Variants in TMEM154 observed in about 807,000 individuals in gnomAD.
The protein encoded by TMEM154 is transmembrane protein 154.
In TMEM154, 27 loss-of-function variants were observed where a neutral mutation model predicts 24.5. That is an observed-to-expected ratio of 1.10 (90% confidence interval 0.81 to 1.52). TMEM154 has a LOEUF of 1.52. Among genes scored for constraint, TMEM154 ranks in the 40% most tolerant of loss-of-function variants. The pLI, the probability that TMEM154 is intolerant of heterozygous loss-of-function variation, is 0.00. For missense variants in TMEM154, 228 were observed against 213.4 expected, an observed-to-expected ratio of 1.07 and a Z score of -0.43; for synonymous variants, 67 against 76.8, an observed-to-expected ratio of 0.87 and a Z score of 0.67.
chr4:152,648,135 A>G (rs1020593760), intron 3 of TMEM154, among the ~76,000 whole-genome samples: 3 of 152,182 alleles, frequency 2.0e-5, no homozygotes, highest in African/African-American at 7.2e-5. Flanking sequence ...GAGAGCACAG[A>G]AGAGATGGTA....
At chr4:152,655,975 A>T (rs1231236429) in intron 1 of TMEM154, among the ~76,000 whole-genome samples, 4 of 152,036 alleles carry the variant, frequency 2.6e-5, no homozygotes, top group Non-Finnish European at 5.9e-5. Flanking sequence ...TGAGTGTGCC[A>T]TTTGGGGCCT....
rs1472348006 is a variant in TMEM154 at position 152,619,147 on chromosome 4, G to C, written c.*9399C>G. 2 of 152,166 alleles carry C rather than the reference G, an allele frequency of 1.3e-5. No homozygotes were observed. The highest frequency in any genetic ancestry group is 2.9e-5 in the Non-Finnish European group (2 of 68,040). 9.4% of individuals were successfully genotyped at this position (152,166 alleles called of 1,614,324 possible). On this transcript the variant is annotated 3_prime_UTR_variant, in exon 7 of 7. Transcript: ENST00000304385. ...CTCCCATTTTAACCTCATGCTTTGAGAGTAGTCATACATTTCTATGTGTCT... is the reference window on the plus strand; with the variant it reads ...CTCCCATTTTAACCTCATGCTTTGACAGTAGTCATACATTTCTATGTGTCT...
chr4:152,618,774 T>A lies in TMEM154; in HGVS notation c.*9772A>T, dbSNP rs1463104195. The A allele has an allele frequency of 6.6e-6, 1 of 152,176 alleles. No homozygotes were observed. The highest frequency in any genetic ancestry group is 1.5e-5 in the Non-Finnish European group (1 of 68,038). The allele number at this position is 152,176 out of a possible 1,614,324, so 9.4% of individuals were successfully genotyped here. ...TGATCGTTCTCTGCTTCCTTCCATA[T>A]TGGATTTAATGTAGCTAAAAATACA... is the stretch of plus-strand genomic sequence containing the variant. On this transcript the variant is annotated 3_prime_UTR_variant, in exon 7 of 7. Coordinates refer to ENST00000304385, the MANE Select transcript of TMEM154 (RefSeq NM_152680.3).
chr4:152,640,963 G>C lies in TMEM154; in HGVS notation c.501C>G (p.Thr167=). 1 of 1,608,704 alleles carries C rather than the reference G, an allele frequency of 6.2e-7. No homozygotes were observed. Residue 167 remains threonine, a synonymous_variant, in exon 6 of 7, where the codon ACC becomes ACG. Transcript: ENST00000304385. ...NRNADFECLP[T]LKEEKESNHN... Reference sequence around the variant, plus strand: ...GATTTGATTCCTTCTCTTCCTTCAAGGTAGGTAAACATTCAAAGTCGGCTA... The same window carrying C: ...GATTTGATTCCTTCTCTTCCTTCAACGTAGGTAAACATTCAAAGTCGGCTA...
intron 4 of TMEM154, 50 bp from the exon 5 acceptor site, chr4:152,643,223 T>G (rs758952939): frequency 7.5e-7 from 1 of 1,332,748 alleles, no homozygotes. Flanking sequence ...GAAAGATGCC[T>G]AATTTCATTT....
intron 6 of TMEM154, among the ~76,000 whole-genome samples, chr4:152,630,810 T>C (rs1752024982): frequency 6.6e-6 from 1 of 152,216 alleles, no homozygotes; most frequent in African/African-American, 2.4e-5. Context: ...CCCAAAGATT[T>C]TTCTGTGATA....
chr4:152,647,779 A>AT (rs1728289767), intron 3 of TMEM154, among the ~76,000 whole-genome samples: 1 of 152,164 alleles, frequency 6.6e-6, no homozygotes, highest in Non-Finnish European at 1.5e-5. Flanking sequence ...CCAGGTACTG[A>AT]TTTTTTCTAA....
intron 6 of TMEM154, among the ~76,000 whole-genome samples, chr4:152,638,742 C>T (rs767802302): frequency 6.6e-6 from 1 of 152,086 alleles, no homozygotes; most frequent in Non-Finnish European, 1.5e-5. Flanking sequence ...TCAGAAAGTG[C>T]CTAGTGGTAC....
At chr4:152,629,266 A>G (rs1751987392) in intron 6 of TMEM154, among the ~76,000 whole-genome samples, 1 of 152,210 alleles carries the variant, frequency 6.6e-6, no homozygotes, top group African/African-American at 2.4e-5. Context: ...AATTTTCCAC[A>G]TGCCGTTTTC....
At chr4:152,635,517 G>A (rs1561044993) in intron 6 of TMEM154, among the ~76,000 whole-genome samples, 1 of 152,136 alleles carries the variant, frequency 6.6e-6, no homozygotes, top group Admixed American at 6.5e-5. Flanking sequence ...CACATATTAA[G>A]TGCTCAATAA....
chr4:152,624,577 G>A lies in TMEM154; in HGVS notation c.*3969C>T, dbSNP rs1488798523. On this transcript the variant is annotated 3_prime_UTR_variant, in exon 7 of 7. Transcript: ENST00000304385. ...AATCACACCATTGCACTCCAGCCTG[G>A]GCATCAGCATGAGACCCCGTCTCAA... The A allele has an allele frequency of 6.6e-6, 1 of 151,636 alleles. No individual in the cohort carries two copies. Among genetic ancestry groups the A allele is most frequent in the African/African-American group, 2.4e-5 (1 of 41,222 alleles). The allele number at this position is 151,636 out of a possible 1,614,324, so 9.4% of individuals were successfully genotyped here. A position where few individuals can be genotyped will look rare whatever the true frequency, so the allele number is the denominator to read the frequency against.
At chr4:152,661,284 TTCTCTCTCTC>T (rs70949609) in intron 1 of TMEM154, among the ~76,000 whole-genome samples, 1,737 of 63,428 alleles carry the variant, frequency 0.027, 22 homozygotes, top group Middle Eastern at 0.053. Context: ...ATTGTTCTCT[TTCTCTCTCTC>T]TCTCTCTCTC....
chr4:152,636,046 G>A (rs1420761670), intron 6 of TMEM154, among the ~76,000 whole-genome samples: 2 of 152,168 alleles, frequency 1.3e-5, no homozygotes, highest in African/African-American at 4.8e-5. Flanking sequence ...AACTACAAAT[G>A]CCTCCAGAAG....
At chr4:152,644,745 A>G (rs1474843708) in intron 3 of TMEM154, among the ~76,000 whole-genome samples, 1 of 152,212 alleles carries the variant, frequency 6.6e-6, no homozygotes, top group East Asian at 1.9e-4. Flanking sequence ...ATTGGTAAGG[A>G]AAGGCAAGGG....
At chr4:152,661,337 TC>T (rs1728606370) in intron 1 of TMEM154, among the ~76,000 whole-genome samples, 7 of 118,804 alleles carry the variant, frequency 5.9e-5, no homozygotes, top group African/African-American at 1.3e-4. Context: ...TCTCTCTCTC[TC>T]TCTCCCCCCA....
intron 1 of TMEM154, among the ~76,000 whole-genome samples, chr4:152,677,253 C>T (rs1372656616): frequency 6.6e-6 from 1 of 152,204 alleles, no homozygotes; most frequent in African/African-American, 2.4e-5. Flanking sequence ...CTATCTATCT[C>T]TAAAAAGAGA....
At chr4:152,635,967 G>A (rs957717777) in intron 6 of TMEM154, among the ~76,000 whole-genome samples, 14 of 152,150 alleles carry the variant, frequency 9.2e-5, no homozygotes, top group Admixed American at 6.5e-5. Context: ...TAATATTTGC[G>A]ATTCCTTGTC....
At chr4:152,655,393 A>C (rs533233870) in intron 1 of TMEM154, among the ~76,000 whole-genome samples, 1 of 152,184 alleles carries the variant, frequency 6.6e-6, no homozygotes, top group Non-Finnish European at 1.5e-5. Context: ...GCGCCTGTAC[A>C]CTGTGCAATG....
rs1728599572 is a variant in TMEM154, at chr4:152,661,293, TCTC to T, written c.65-8369_65-8367del. Among the ~76,000 whole-genome samples the T allele has an allele frequency of 1.5e-4, 9 of 61,792 alleles. No homozygotes were observed. The East Asian group carries it at 2.4e-3, about 16-fold the overall frequency. 40.5% of individuals were successfully genotyped at this position (61,792 alleles called of 152,430 possible). The stretch of plus-strand genomic sequence containing the variant: ...CAAGGGATTGTTCTCTTTCTCTCTC[TCTC>T]TCTCTCTCTCTCTCTCTCTCTCTCT... On this transcript the variant is annotated intron_variant, in intron 1 of 6. Coordinates refer to ENST00000304385, the MANE Select transcript of TMEM154 (RefSeq NM_152680.3).
Sources: allele counts gnomAD v4.1 joint callset (sites outside exome capture counted in the v4.1 genomes callset), GRCh38; gene constraint gnomAD v4.1.1; transcripts MANE v1.5; gene names NCBI Gene and HGNC (gene_info 2026-07-23, HGNC 2026-07-21).